The following MYO1D variants were observed in gnomAD, a reference collection of about 807,000 sequenced individuals.
The protein encoded by MYO1D is unconventional myosin-Id.
In MYO1D, 83 loss-of-function variants were observed where a neutral mutation model predicts 122.0. That is an observed-to-expected ratio of 0.68 (90% CI 0.57 to 0.82). The LOEUF is 0.82. Ranked by LOEUF, MYO1D falls within the 40% of genes least tolerant of loss-of-function variation. The pLI is 0.00. For missense variants in MYO1D, 1,157 were observed against 1,269.5 expected (o/e 0.91, Z 1.35); for synonymous variants, 464 against 446.9 (o/e 1.04, Z -0.48).
chr17:32,718,833 T>C (rs1375911890), intron 15 of MYO1D, among the ~76,000 whole-genome samples: 1 of 152,216 alleles, frequency 6.6e-6, no homozygotes, highest in African/African-American at 2.4e-5. Flanking sequence ...CTAAACATTG[T>C]CATGGACCTC....
rs774493116 is a variant in MYO1D at position 32,712,101 on chromosome 17, C to G, written c.2008G>C (p.Asp670His). The change falls in exon 16 of 22, where the codon GAT (aspartate) becomes CAT (histidine). Residue 670 changes from aspartate (D) to histidine (H), a missense_variant. By Grantham distance (81) the Asp-to-His change is moderately conservative. Transcript: ENST00000318217. Reference sequence around the variant, plus strand: ...TTGGTCTTCCCATAAGCTACATCATCCTGAAAACCACACCGTTCAATTAGT... The same window carrying G: ...TTGGTCTTCCCATAAGCTACATCATGCTGAAAACCACACCGTTCAATTAGT... ...KKLIERCGFQDDVAYGKTKIF... is the reference protein window; with the variant it reads ...KKLIERCGFQHDVAYGKTKIF... 6.2e-7 allele frequency: 1 copy of G among 1,614,070 alleles called. No homozygotes were observed. Among genetic ancestry groups the G allele is most frequent in the Admixed American group, 1.7e-5 (1 of 60,008 alleles).
intron 16 of MYO1D, among the ~76,000 whole-genome samples, chr17:32,690,394 C>T (rs887057068): frequency 1.3e-5 from 2 of 152,050 alleles, no homozygotes; most frequent in African/African-American, 4.8e-5. Flanking sequence ...AGGCTGGTCG[C>T]GAACTCCTGA....
chr17:32,505,999 G>A (rs562639808), intron 21 of MYO1D, among the ~76,000 whole-genome samples: 16 of 152,306 alleles, frequency 1.1e-4, no homozygotes, highest in African/African-American at 2.2e-4. Context: ...TGGGAGGACC[G>A]CTTTAAGCCA....
chr17:32,819,413 A>T (rs942609553), intron 1 of MYO1D, among the ~76,000 whole-genome samples: 3 of 152,142 alleles, frequency 2.0e-5, no homozygotes, highest in Admixed American at 6.5e-5. Context: ...CGTTTACTCA[A>T]CAGTTCCCTC....
intron 19 of MYO1D, among the ~76,000 whole-genome samples, chr17:32,640,024 A>G (rs2088173402): frequency 6.6e-6 from 1 of 152,182 alleles, no homozygotes; most frequent in Non-Finnish European, 1.5e-5. Context: ...ATAGCAAACT[A>G]AAATTTAAAT....
chr17:32,805,136 G>A (rs528682268), intron 1 of MYO1D, among the ~76,000 whole-genome samples: 12 of 152,098 alleles, frequency 7.9e-5, no homozygotes, highest in Non-Finnish European at 1.8e-4. Flanking sequence ...TGTCATGTAA[G>A]GACACAGCAA....
chr17:32,694,557 C>T lies in MYO1D; in HGVS notation c.2121+17431G>A, dbSNP rs529872412. Among the ~76,000 whole-genome samples, 48 of 151,512 alleles carry T rather than the reference C, an allele frequency of 3.2e-4. 1 individual carries two copies. The highest frequency in any genetic ancestry group is 6.8e-3 in the Middle Eastern group (2 of 292). On this transcript the variant is annotated intron_variant, in intron 16 of 21. Coordinates refer to ENST00000318217, the MANE Select transcript of MYO1D (RefSeq NM_015194.3). Reference sequence around the variant, plus strand: ...TCTACTAAAAATACAAAAAATTAGCCGGGCGCGGTGGCGGGCGCCTGTAGT... The same window carrying T: ...TCTACTAAAAATACAAAAAATTAGCTGGGCGCGGTGGCGGGCGCCTGTAGT...
intron 21 of MYO1D, among the ~76,000 whole-genome samples, chr17:32,514,398 TTCTA>T (rs1403709548): frequency 1.6e-4 from 24 of 152,164 alleles, no homozygotes; most frequent in Non-Finnish European, 1.0e-4. Flanking sequence ...TGCCCAAGAT[TTCTA>T]TCTTTTTATT....
chr17:32,675,260 G>A (rs192958378), intron 16 of MYO1D, among the ~76,000 whole-genome samples: 1 of 152,292 alleles, frequency 6.6e-6, no homozygotes, highest in Admixed American at 6.5e-5. Context: ...AAATGTCACT[G>A]TTATAGAGAA....
chr17:32,795,629 G>A (rs1017057872), intron 1 of MYO1D, among the ~76,000 whole-genome samples: 1 of 152,180 alleles, frequency 6.6e-6, no homozygotes, highest in Non-Finnish European at 1.5e-5. Flanking sequence ...TGAAGTGCTT[G>A]TAAGATTCTC....
At chr17:32,496,643 G>A (rs185956609) in intron 21 of MYO1D, among the ~76,000 whole-genome samples, 3 of 152,268 alleles carry the variant, frequency 2.0e-5, no homozygotes, top group East Asian at 3.9e-4. Context: ...GAGCTGGGGT[G>A]GCCTCCCTGC....
At chr17:32,865,832 G>A (rs1319715968) in intron 1 of MYO1D, among the ~76,000 whole-genome samples, 1 of 152,152 alleles carries the variant, frequency 6.6e-6, no homozygotes, top group Non-Finnish European at 1.5e-5. Context: ...GAGCCTGGAA[G>A]GTGGACAAAA....
At chr17:32,528,593 C>A (rs912247387) in intron 21 of MYO1D, among the ~76,000 whole-genome samples, 2 of 152,084 alleles carry the variant, frequency 1.3e-5, no homozygotes, top group African/African-American at 4.8e-5. Flanking sequence ...GGCAAAAAGG[C>A]CTGCAGATGG....
chr17:32,523,841 G>A (rs1910244679), intron 21 of MYO1D, among the ~76,000 whole-genome samples: 1 of 151,354 alleles, frequency 6.6e-6, no homozygotes, highest in Non-Finnish European at 1.5e-5. Flanking sequence ...GAGAGTGGTC[G>A]GGGCAAATCC....
In MYO1D at chr17:32,764,929, G is replaced by A. The variant is rs755334923; in HGVS notation, c.984C>T (p.Asp328=). The A allele has an allele frequency of 6.8e-6, 11 of 1,614,200 alleles. No homozygotes were observed. Among genetic ancestry groups the A allele is most frequent in the Non-Finnish European group, 8.5e-6 (10 of 1,180,038 alleles). Residue 328 remains aspartate (D), a synonymous_variant, in exon 8 of 22, where the codon GAC becomes GAT. Coordinates refer to ENST00000318217, the MANE Select transcript of MYO1D (RefSeq NM_015194.3). ...TGGCCTCTTGTTCTGTGTGCTGCTT[G>A]TCAATGATGTCACGGCCTGTGGCCA... ...RTVATGRDII[D]KQHTEQEASY...
intron 16 of MYO1D, among the ~76,000 whole-genome samples, chr17:32,676,357 T>C (rs1024890035): frequency 1.3e-5 from 2 of 151,824 alleles, no homozygotes; most frequent in East Asian, 1.9e-4. Flanking sequence ...CTCTATTTTT[T>C]TTTTTTTTTG....
At chr17:32,773,204 A>G (rs1458965546) in intron 4 of MYO1D, among the ~76,000 whole-genome samples, 1 of 151,858 alleles carries the variant, frequency 6.6e-6, no homozygotes, top group Non-Finnish European at 1.5e-5. Flanking sequence ...CTCTTCTCCA[A>G]CCTCTCTTAC....
chr17:32,591,795 G>T (rs1339198347), intron 21 of MYO1D, among the ~76,000 whole-genome samples: 6 of 152,056 alleles, frequency 3.9e-5, no homozygotes, highest in African/African-American at 1.5e-4. Context: ...TGAGCATAGG[G>T]ATCACCTGGG....
chr17:32,517,803 T>A (rs115267281), intron 21 of MYO1D, among the ~76,000 whole-genome samples: 4,517 of 152,316 alleles, frequency 0.03, 226 homozygotes, highest in African/African-American at 0.1. Context: ...TGACAATTTT[T>A]AAACATATAC....
Sources: allele counts gnomAD v4.1 joint callset (sites outside exome capture counted in the v4.1 genomes callset), GRCh38; gene constraint gnomAD v4.1.1; transcripts MANE v1.5; gene names NCBI Gene and HGNC (gene_info 2026-07-23, HGNC 2026-07-21).